SPX: variants seen among roughly 807,000 people sequenced by gnomAD.
SPX encodes the protein spexin hormone.
SPX carries 22 observed loss-of-function variants against 19.2 expected under a neutral mutation model. The observed-to-expected ratio is 1.15, with a 90% CI of 0.82 to 1.64. The LOEUF (loss-of-function observed/expected upper bound fraction) is 1.64. SPX is among the 40% of genes most tolerant of loss of function. The probability of loss-of-function intolerance (pLI) is 0.00; values close to 1 mark genes in which losing one functional copy is unlikely to be tolerated. For synonymous variants in SPX, 50 were observed against 53.3 expected, an observed-to-expected ratio of 0.94 and a Z score of 0.27; for missense variants, 143 against 137.7, an observed-to-expected ratio of 1.04 and a Z score of -0.19.
chr12:21,527,415 A>T, intron 3 of SPX: 1 of 606,658 alleles, frequency 1.6e-6, no homozygotes. Flanking sequence ...CCAAAACTGG[A>T]GGGTTGCTTC....
Position 21,527,292 on chromosome 12 carries a change from T to C in SPX, c.145+100T>C. On this transcript the variant is annotated intron_variant, in intron 3 of 5. Coordinates refer to ENST00000256969, the MANE Select transcript of SPX (RefSeq NM_030572.4). Reference sequence around the variant, plus strand: ...TATGGAGAGAGAATAATGTCGAGTTTATTCCCTTAAATCATCGAGGCCATC... The same window carrying C: ...TATGGAGAGAGAATAATGTCGAGTTCATTCCCTTAAATCATCGAGGCCATC... The C allele has an allele frequency of 1.6e-6, 2 of 1,255,344 alleles. 1 individual carries two copies. Among genetic ancestry groups the C allele is most frequent in the South Asian group, 2.4e-5 (2 of 82,122 alleles). The allele number at this position is 1,255,344 out of a possible 1,614,324, so 77.8% of individuals were successfully genotyped here.
Position 21,531,124 on chromosome 12 carries a change from T to C in SPX, c.293-13T>C, listed in dbSNP as rs1284529513. The C allele has an allele frequency of 3.3e-6, 5 of 1,514,242 alleles. No individual in the cohort carries two copies. Among genetic ancestry groups the C allele is most frequent in the South Asian group, 1.2e-5 (1 of 82,796 alleles). 93.8% of individuals were successfully genotyped at this position (1,514,242 alleles called of 1,614,324 possible). A position where few individuals can be genotyped will look rare whatever the true frequency, so the allele number is the denominator to read the frequency against. On this transcript the variant is annotated splice_polypyrimidine_tract_variant and intron_variant, in intron 5 of 5. Transcript: ENST00000256969. Reference sequence around the variant, plus strand: ...AGTGTATATTTATTTTAAAGAATTTTTTTTTCTTACAGATGAAGAAAAAAA... The same window carrying C: ...AGTGTATATTTATTTTAAAGAATTTCTTTTTCTTACAGATGAAGAAAAAAA...
At chr12:21,527,440 G>C (rs1943824670) in intron 3 of SPX, 2 of 596,870 alleles carry the variant, frequency 3.4e-6, no homozygotes, top group African/African-American at 1.9e-5. Flanking sequence ...GGTCCAAATG[G>C]GGACTCGGGT....
rs1943819010 is a variant in SPX at position 21,526,882 on chromosome 12, A to G, written c.7-4A>G. On this transcript the variant is annotated splice_region_variant and splice_polypyrimidine_tract_variant and intron_variant, in intron 1 of 5. Transcript: ENST00000256969. ...GACCCTTTCTGGTTGATCGCTTCAT[A>G]TAGGGACTCAGAAGTCTGGCAGCAA... is the stretch of plus-strand genomic sequence containing the variant. 1.2e-6 allele frequency: 2 copies of G among 1,614,034 alleles called. No individual in the cohort carries two copies. The highest frequency in any genetic ancestry group is 1.7e-4 in the Middle Eastern group (1 of 6,060).
rs1255054156 is a variant in SPX, at chr12:21,527,604, T to A, written c.146-123T>A. ...GAAACTCGGCAGCCCCGCGCGACCC[T>A]ATCCTGGAGCAACCTGCCCCCTCCC... On this transcript the variant is annotated intron_variant, in intron 3 of 5. Coordinates refer to ENST00000256969, the MANE Select transcript of SPX (RefSeq NM_030572.4). 4 of 980,368 alleles carry A rather than the reference T, an allele frequency of 4.1e-6. No homozygotes were observed. In the Admixed American group the frequency reaches 8.9e-5, roughly 22 times the overall value. The allele number at this position is 980,368 out of a possible 1,614,324, so 60.7% of individuals were successfully genotyped here. A position where few individuals can be genotyped will look rare whatever the true frequency, so the allele number is the denominator to read the frequency against.
chr12:21,532,909 T>C lies in SPX; in HGVS notation c.*1714T>C, dbSNP rs979751326. ...CTCAAATTCCTTGAATGTTCTTATG[T>C]ACAAATATGCTGATTAATTAAAAGG... On this transcript the variant is annotated 3_prime_UTR_variant, in exon 6 of 6. Transcript: ENST00000256969. The C allele has an allele frequency of 6.6e-6, 1 of 152,242 alleles. No homozygotes were observed. The highest frequency in any genetic ancestry group is 1.5e-5 in the Non-Finnish European group (1 of 68,038). The allele number at this position is 152,242 out of a possible 1,614,324, so 9.4% of individuals were successfully genotyped here. A position where few individuals can be genotyped will look rare whatever the true frequency, so the allele number is the denominator to read the frequency against.
rs940148116 is a variant in SPX at position 21,531,364 on chromosome 12, T to A, written c.*169T>A. On this transcript the variant is annotated 3_prime_UTR_variant, in exon 6 of 6. Transcript: ENST00000256969. ...ATAGGATGCTTAGCTGAGAACATCATCTTCTTTCATTGCTTCAGGTCCTGT... is the reference window on the plus strand; with the variant it reads ...ATAGGATGCTTAGCTGAGAACATCAACTTCTTTCATTGCTTCAGGTCCTGT... 24 of 500,808 alleles carry A rather than the reference T, an allele frequency of 4.8e-5. No homozygotes were observed. In the South Asian group the frequency reaches 1.0e-3, roughly 21 times the overall value. 31.0% of individuals were successfully genotyped at this position (500,808 alleles called of 1,614,324 possible).
At position 21,529,061 on chromosome 12, in the gene SPX, C is replaced by A. The variant is rs373933361; in HGVS notation, c.269C>A (p.Ala90Glu). Residue 90 changes from alanine (A) to glutamate (E), a missense_variant, in exon 5 of 6, where the codon GCG becomes GAG. By Grantham distance (107) the Ala-to-Glu change is moderately radical. Transcript: ENST00000256969. ...CCGGAGGCAGCAACCATCTTACTGG[C>A]GTCCCTTCAGAAATCACCAGAAGGT... is the stretch of plus-strand genomic sequence containing the variant. ...TIPEAATILL[A>E]SLQKSPEDEE... is the part of the protein sequence containing the mutation. 25 of 1,613,996 alleles carry A rather than the reference C, an allele frequency of 1.5e-5. No homozygotes were observed. The highest frequency in any genetic ancestry group is 2.0e-5 in the Non-Finnish European group (24 of 1,179,982).
chr12:21,527,952 GGCAGCA>G, intron 4 of SPX, 163 bp downstream of exon 4: 1 of 700,012 alleles, frequency 1.4e-6, no homozygotes, highest in East Asian at 3.2e-5. Context: ...AGCCCGGGTT[GGCAGCA>G]GCAGCAGCTG....
Position 21,531,329 on chromosome 12 carries a change from C to G in SPX, c.*134C>G, listed in dbSNP as rs3765092. The stretch of plus-strand genomic sequence containing the variant: ...ACAGATAGTTTTATTCTTTCAGAAA[C>G]AAAATATATATAGGATGCTTAGCTG... On this transcript the variant is annotated 3_prime_UTR_variant, in exon 6 of 6. Coordinates refer to ENST00000256969, the MANE Select transcript of SPX (RefSeq NM_030572.4). 1.6e-6 allele frequency: 1 copy of G among 627,290 alleles called. No homozygotes were observed. The highest frequency in any genetic ancestry group is 2.6e-6 in the Non-Finnish European group (1 of 383,194). The allele number at this position is 627,290 out of a possible 1,614,324, so 38.9% of individuals were successfully genotyped here.
Position 21,532,862 on chromosome 12 carries a change from A to C in SPX, c.*1667A>C, listed in dbSNP as rs1943878392. ...CTCAATGATCAATAGCTGTTAAAAT[A>C]TAGCTCCAAGTATTCTAAGTACTCA... is the stretch of plus-strand genomic sequence containing the variant. On this transcript the variant is annotated 3_prime_UTR_variant, in exon 6 of 6. Transcript: ENST00000256969. 6.6e-6 allele frequency: 1 copy of C among 152,270 alleles called. No homozygotes were observed. The highest frequency in any genetic ancestry group is 1.5e-5 in the Non-Finnish European group (1 of 68,046). 9.4% of individuals were successfully genotyped at this position (152,270 alleles called of 1,614,324 possible).
chr12:21,527,052 T>G, intron 2 of SPX, 83 bp from the exon 3 acceptor site: 1 of 1,585,492 alleles, frequency 6.3e-7, no homozygotes, highest in Non-Finnish European at 8.7e-7. Flanking sequence ...TGTTTTATTC[T>G]CTTCTTTTTC....
At position 21,531,225 on chromosome 12, in the gene SPX, T is replaced by C. The variant is rs971303281; in HGVS notation, c.*30T>C. The C allele has an allele frequency of 6.7e-7, 1 of 1,487,480 alleles. No homozygotes were observed. 92.1% of individuals were successfully genotyped at this position (1,487,480 alleles called of 1,614,324 possible). On this transcript the variant is annotated 3_prime_UTR_variant, in exon 6 of 6. Transcript: ENST00000256969. Reference sequence around the variant, plus strand: ...ATACTGGATTATGTTTAATTATGGTTCTATTCTCTTTGAAAACATGAACCA... The same window carrying C: ...ATACTGGATTATGTTTAATTATGGTCCTATTCTCTTTGAAAACATGAACCA...
chr12:21,527,036 C>T (rs1477292592), intron 2 of SPX, 70 bp downstream of exon 2: 8 of 1,586,402 alleles, frequency 5.0e-6, no homozygotes, highest in South Asian at 1.1e-5. Context: ...TTTCTTTCTT[C>T]CTTCTTGTTT....
chr12:21,527,913 G>A (rs71539443), intron 4 of SPX, 124 bp downstream of exon 4: 21,205 of 1,172,288 alleles, frequency 0.018, 262 homozygotes, highest in Middle Eastern at 0.036. Flanking sequence ...CGGCTCTGAG[G>A]CGCCCTCAGA....
chr12:21,527,277 G>T (rs970537750), intron 3 of SPX, 85 bp downstream of exon 3: 15 of 1,333,380 alleles, frequency 1.1e-5, no homozygotes, highest in Non-Finnish European at 1.4e-5. Flanking sequence ...TATGGAGAGA[G>T]AATAATGTCG....
Position 21,526,974 on chromosome 12 carries a change from A to C in SPX, c.87+8A>C, listed in dbSNP as rs370863055. The C allele has an allele frequency of 2.0e-5, 32 of 1,613,510 alleles. No homozygotes were observed. Among genetic ancestry groups the C allele is most frequent in the Non-Finnish European group, 2.2e-5 (26 of 1,179,552 alleles). The stretch of plus-strand genomic sequence containing the variant: ...TCCAGCTGCGCTCCGCAGGTAATCA[A>C]ATGCAAAATAAAAAATTTTAAAACA... On this transcript the variant is annotated splice_region_variant and intron_variant, in intron 2 of 5. Coordinates refer to ENST00000256969, the MANE Select transcript of SPX (RefSeq NM_030572.4).
intron 1 of SPX, 102 bp from the exon 2 acceptor site, chr12:21,526,784 T>C (rs1159536040): frequency 8.8e-7 from 1 of 1,141,116 alleles, no homozygotes; most frequent in Non-Finnish European, 1.3e-6. Flanking sequence ...AACAGAATAT[T>C]GCGAGAAGTA....
intron 3 of SPX, 124 bp downstream of exon 3, chr12:21,527,316 T>TC: frequency 1.1e-6 from 1 of 934,498 alleles, no homozygotes; most frequent in Non-Finnish European, 1.7e-6. Context: ...ATCGAGGCCA[T>TC]CAAAGAGACC....
Sources: gnomAD v4.1 joint callset for allele counts on GRCh38, gnomAD v4.1.1 for gene constraint, MANE v1.5 for transcripts, NCBI Gene and HGNC (gene_info 2026-07-23, HGNC 2026-07-21) for gene names.